POLE: variants seen among roughly 807,000 people sequenced by gnomAD.
The protein encoded by POLE is DNA polymerase epsilon catalytic subunit A.
In POLE, 188 loss-of-function variants were observed where a neutral mutation model predicts 279.2. The ratio of observed to expected loss-of-function variants is 0.67; its 90% CI spans 0.60 to 0.76. The LOEUF (loss-of-function observed/expected upper bound fraction) is 0.76. Among genes scored for constraint, POLE ranks in the 30% least tolerant of loss-of-function variants. POLE has a pLI of 0.00. For missense variants in POLE, 2,703 were observed against 3,016.7 expected, an observed-to-expected ratio of 0.90 and a Z score of 2.44; for synonymous variants, 1,214 against 1,172.5, an observed-to-expected ratio of 1.04 and a Z score of -0.72.
At chr12:132,677,857 C>T (rs757077054) in intron 6 of POLE, 138 bp from the exon 7 acceptor site, 35 of 808,154 alleles carry the variant, frequency 4.3e-5, no homozygotes, top group East Asian at 7.7e-5. Context: ...GTGGTTTCAA[C>T]GACCAAGGCA....
intron 16 of POLE, among the ~76,000 whole-genome samples, chr12:132,671,741 A>G (rs2042933319): frequency 1.3e-5 from 2 of 151,322 alleles, no homozygotes; most frequent in South Asian, 4.2e-4. Flanking sequence ...CAGGGATCAG[A>G]GAAGAACTGG....
chr12:132,633,874 T>G (rs2041983168), intron 43 of POLE: 3 of 272,134 alleles, frequency 1.1e-5, no homozygotes, highest in Admixed American at 1.0e-4. Flanking sequence ...TGTGACTGAG[T>G]TACCGAATCA....
At position 132,639,644 on chromosome 12, in the gene POLE, T is replaced by C. The variant is rs1430759478; in HGVS notation, c.5379-346A>G. Among the ~76,000 whole-genome samples the C allele has an allele frequency of 6.6e-6, 1 of 152,208 alleles. No individual in the cohort carries two copies. Among genetic ancestry groups the C allele is most frequent in the African/African-American group, 2.4e-5 (1 of 41,456 alleles). On this transcript the variant is annotated intron_variant, in intron 39 of 48. Coordinates refer to ENST00000320574, the MANE Select transcript of POLE (RefSeq NM_006231.4). This position sits in a 1 kb window ranked among gnomAD's most constrained non-coding sequence, Gnocchi z 4.7. ...GACAGGAAGGACACAGCAAAGCCACTGCCTAGACATCAGAACACCACACTA... is the reference window on the plus strand; with the variant it reads ...GACAGGAAGGACACAGCAAAGCCACCGCCTAGACATCAGAACACCACACTA...
Position 132,680,622 on chromosome 12 carries a change from G to A in POLE, c.270C>T (p.Asp90=), listed in dbSNP as rs751104931. The change falls in exon 3 of 49, where the codon GAC becomes GAT. Residue 90 remains aspartate, a synonymous_variant. Coordinates refer to ENST00000320574, the MANE Select transcript of POLE (RefSeq NM_006231.4). ...AGGGGCTTACCTTAAATCTGCTTCC[G>A]TCATCTTGAATAAAGTAGTAATCCA... ...SAVDYYFIQD[D]GSRFKVALPY... is the part of the protein sequence containing the mutation. The A allele has an allele frequency of 9.3e-6, 15 of 1,613,362 alleles. No individual in the cohort carries two copies. The East Asian group carries it at 1.3e-4, about 14-fold the overall frequency.
At chr12:132,640,230 G>GCCTCCCTACTCACGGCAC (rs2042115422) in intron 39 of POLE, among the ~76,000 whole-genome samples, 1 of 152,182 alleles carries the variant, frequency 6.6e-6, no homozygotes, top group African/African-American at 2.4e-5. Flanking sequence ...ATGGAGGATG[G>GCCTCCCTACTCACGGCAC]CCTCCCTACT....
intron 32 of POLE, among the ~76,000 whole-genome samples, chr12:132,646,883 G>A (rs554823918): frequency 6.6e-6 from 1 of 152,136 alleles, no homozygotes; most frequent in South Asian, 2.1e-4. Flanking sequence ...ATACTCTGTA[G>A]AGAAGGGGTT....
chr12:132,652,982 A>C (rs1020176389), intron 29 of POLE, among the ~76,000 whole-genome samples: 1 of 152,240 alleles, frequency 6.6e-6, no homozygotes, highest in African/African-American at 2.4e-5. Context: ...ACTGAATTTT[A>C]TGAATTAATA....
rs986042258 is a variant in POLE at position 132,624,446 on chromosome 12, G to A, written c.*251C>T. 1.8e-5 allele frequency: 10 copies of A among 565,462 alleles called. No homozygotes were observed. Among genetic ancestry groups the A allele is most frequent in the African/African-American group, 9.4e-5 (5 of 53,316 alleles). The allele number at this position is 565,462 out of a possible 1,614,324, so 35.0% of individuals were successfully genotyped here. On this transcript the variant is annotated 3_prime_UTR_variant, in exon 49 of 49. Coordinates refer to ENST00000320574, the MANE Select transcript of POLE (RefSeq NM_006231.4). ...GTGAGAAACGGCGCCCAGGGCACTC[G>A]CAGCCTCGCTCACGGCCTGCTTCTT... is the stretch of plus-strand genomic sequence containing the variant.
rs2138525389 is a variant in POLE at position 132,641,776 on chromosome 12, C to A, written c.5249G>T (p.Gly1750Val). Residue 1750 changes from glycine (G) to valine (V), a missense_variant, in exon 39 of 49, where the codon GGG becomes GTG. By Grantham distance (109) the Gly-to-Val change is moderately radical. Transcript: ENST00000320574. ...LQSHHVNDME[G>V]ADSMGISFDV... ...GAAGCTGATCCCCATGCTGTCGGCC[C>A]CCTCCATGTCGTTGACATGGTGAGA... The A allele has an allele frequency of 6.2e-7, 1 of 1,609,088 alleles. No individual in the cohort carries two copies. Among genetic ancestry groups the A allele is most frequent in the Non-Finnish European group, 8.5e-7 (1 of 1,179,974 alleles).
At position 132,675,516 on chromosome 12, in the gene POLE, G is replaced by T. The variant is rs576578672; in HGVS notation, c.1108C>A (p.Pro370Thr). ...VTYNGDFFDW[P>T]FVEARAAVHG... ...ACTGCTGCCCGGGCCTCCACAAATG[G>T]CCTGGGTTGGAAAGAGGACAGACAA... The change falls in exon 12 of 49, where the codon CCA becomes ACA. Residue 370 changes from proline to threonine, a missense_variant and splice_region_variant. Physicochemically the swap from Pro to Thr is conservative, Grantham distance 38 (BLOSUM62 -1). Around this residue, in one of 5 missense-constraint regions of POLE, gnomAD observed 1,011 missense variants for 1,111.7 expected, o/e 0.91. Transcript: ENST00000320574. The surrounding 1 kb of genome is among the most constrained non-coding windows in gnomAD (Gnocchi z 4.3). 24 of 1,613,874 alleles carry T rather than the reference G, an allele frequency of 1.5e-5. No homozygotes were observed. Among genetic ancestry groups the T allele is most frequent in the Non-Finnish European group, 2.5e-6 (3 of 1,180,014 alleles).
intron 40 of POLE, chr12:132,638,873 T>C (rs572856788): frequency 3.3e-4 from 169 of 511,876 alleles, no homozygotes; most frequent in African/African-American, 3.1e-3. Flanking sequence ...AGCAATACAA[T>C]GTGTAGCATG....
In POLE at chr12:132,668,384, C is replaced by A. The variant is rs2135974766; in HGVS notation, c.2145G>T (p.Gln715His). The stretch of plus-strand genomic sequence containing the variant: ...CCAGCCTTCTCTTCTCGTATTTCGC[C>A]TGTTCCTCGCGGGACAGTTCATGAA... The part of the protein sequence containing the change: ...RAFHELSREE[Q>H]AKYEKRRLAD... The change falls in exon 19 of 49, where the codon CAG (glutamine) becomes CAT (histidine). Residue 715 changes from glutamine to histidine, a missense_variant. Coordinates refer to ENST00000320574, the MANE Select transcript of POLE (RefSeq NM_006231.4). This position sits in a 1 kb window ranked among gnomAD's most constrained non-coding sequence, Gnocchi z 4.0. 6.3e-7 allele frequency: 1 copy of A among 1,597,514 alleles called. No homozygotes were observed. The highest frequency in any genetic ancestry group is 8.5e-7 in the Non-Finnish European group (1 of 1,171,364).
rs764235457 is a variant in POLE, at chr12:132,639,115, G to A, written c.5552+10C>T. Reference sequence around the variant, plus strand: ...ACGCGGTGGACAGCCCAGGGAGGAGGAGCACTCACTGCAGGAAGAGCTTCT... The same window carrying A: ...ACGCGGTGGACAGCCCAGGGAGGAGAAGCACTCACTGCAGGAAGAGCTTCT... On this transcript the variant is annotated intron_variant, in intron 40 of 48. Transcript: ENST00000320574. The surrounding 1 kb of genome is among the most constrained non-coding windows in gnomAD (Gnocchi z 4.7). 1 of 1,613,222 alleles carries A rather than the reference G, an allele frequency of 6.2e-7. No individual in the cohort carries two copies. Among genetic ancestry groups the A allele is most frequent in the South Asian group, 1.1e-5 (1 of 91,018 alleles).
intron 1 of POLE, among the ~76,000 whole-genome samples, chr12:132,686,867 C>T (rs1471589665): frequency 6.6e-6 from 1 of 151,858 alleles, no homozygotes; most frequent in Non-Finnish European, 1.5e-5. Flanking sequence ...TCCCCGGCCC[C>T]GCCCCTCCCC....
intron 29 of POLE, chr12:132,650,872 C>CTTTTTTTTTTTTT (rs372563000): frequency 1.8e-5 from 2 of 108,664 alleles, no homozygotes; most frequent in Admixed American, 1.1e-4. Context: ...AACTTGTTTC[C>CTTTTTTTTTTTTT]TTTTTTTTTT....
At position 132,685,597 on chromosome 12, in the gene POLE, C is replaced by G. The variant is rs114263099; in HGVS notation, c.62+1657G>C. 4.8e-3 allele frequency among the ~76,000 whole-genome samples: 726 copies of G among 152,362 alleles called. 7 individuals carry two copies. Among genetic ancestry groups the G allele is most frequent in the African/African-American group, 0.016 (683 of 41,584 alleles). On this transcript the variant is annotated intron_variant, in intron 1 of 48. Transcript: ENST00000320574. Reference sequence around the variant, plus strand: ...ATCCCAGCAGCAGCCTTCCCCCTGCCTGGAGGCCATCACTGAGCTTGGGGC... The same window carrying G: ...ATCCCAGCAGCAGCCTTCCCCCTGCGTGGAGGCCATCACTGAGCTTGGGGC...
chr12:132,632,890 G>A (rs2041963744), intron 43 of POLE, 95 bp from the exon 44 acceptor site: 2 of 1,332,858 alleles, frequency 1.5e-6, no homozygotes, highest in Non-Finnish European at 2.0e-6. Context: ...TTGCCTCACA[G>A]ATGAGGCTAA....
rs1251807123 is a variant in POLE, at chr12:132,637,296, T to TA, written c.5678+717dup. Reference sequence around the variant, plus strand: ...CCTTTTCTGCAGCGCCCCCAGATGCTACCCCTGTAACCATGCAAAGATCAG... The same window carrying TA: ...CCTTTTCTGCAGCGCCCCCAGATGCTAACCCCTGTAACCATGCAAAGATCAG... On this transcript the variant is annotated intron_variant, in intron 41 of 48. Coordinates refer to ENST00000320574, the MANE Select transcript of POLE (RefSeq NM_006231.4). Among the ~76,000 whole-genome samples the TA allele has an allele frequency of 1.4e-4, 21 of 152,340 alleles. 1 individual carries two copies. In the South Asian group the frequency reaches 3.1e-3, roughly 23 times the overall value.
chr12:132,644,068 A>C, intron 32 of POLE, 91 bp from the exon 33 acceptor site: 1 of 1,398,910 alleles, frequency 7.1e-7, no homozygotes, highest in Non-Finnish European at 9.7e-7. Flanking sequence ...GGAGTCCTAG[A>C]CTTCTGGTGC....
Sources: allele counts gnomAD v4.1 joint callset (sites outside exome capture counted in the v4.1 genomes callset), GRCh38; gene constraint gnomAD v4.1.1; regional missense constraint gnomAD v4.1.1; non-coding constraint Gnocchi (gnomAD v3.1); transcripts MANE v1.5; gene names NCBI Gene and HGNC (gene_info 2026-07-23, HGNC 2026-07-21).